ANGPT1: variants seen among roughly 807,000 people sequenced by gnomAD.
The protein encoded by ANGPT1 is angiopoietin 1.
ANGPT1 carries 17 observed loss-of-function variants against 62.2 expected under a neutral mutation model. That is an observed-to-expected ratio of 0.27 (90% CI 0.19 to 0.41). The LOEUF is 0.41. Ranked by LOEUF, ANGPT1 falls within the 10% of genes least tolerant of loss-of-function variation. ANGPT1 has a pLI of 1.00. For missense variants in ANGPT1, 478 were observed against 594.9 expected (o/e 0.80, Z 2.04); for synonymous variants, 199 against 198.9 (o/e 1.00, Z 0.00).
intron 1 of ANGPT1, among the ~76,000 whole-genome samples, chr8:107,425,211 G>GA (rs1195091470): frequency 1.3e-5 from 2 of 152,148 alleles, no homozygotes; most frequent in Non-Finnish European, 1.5e-5. Flanking sequence ...CTATGCATTG[G>GA]AAAAATCACA....
chr8:107,298,158 A>C (rs1814465609), intron 5 of ANGPT1, among the ~76,000 whole-genome samples: 1 of 151,932 alleles, frequency 6.6e-6, no homozygotes, highest in Admixed American at 6.6e-5. Flanking sequence ...ACGGAGGCTT[A>C]AACCCAAACA....
intron 4 of ANGPT1, among the ~76,000 whole-genome samples, chr8:107,318,549 A>G (rs765367946): frequency 1.5e-4 from 23 of 152,228 alleles, no homozygotes; most frequent in Non-Finnish European, 2.2e-4. Context: ...AAAGATAATT[A>G]CGATTATTTT....
At chr8:107,434,742 T>A (rs796593189) in intron 1 of ANGPT1, among the ~76,000 whole-genome samples, 9 of 152,352 alleles carry the variant, frequency 5.9e-5, no homozygotes, top group African/African-American at 2.2e-4. Context: ...CTATTTTTGA[T>A]ATACTGATAA....
intron 1 of ANGPT1, among the ~76,000 whole-genome samples, chr8:107,378,158 G>A (rs1023736625): frequency 6.6e-6 from 1 of 152,126 alleles, no homozygotes; most frequent in African/African-American, 2.4e-5. Flanking sequence ...GCCTTCATAG[G>A]GTTTAGACAC....
At position 107,249,767 on chromosome 8, in the gene ANGPT1, T is replaced by C. The variant is rs2129968258; in HGVS notation, c.*2088A>G. The C allele has an allele frequency of 6.6e-6, 1 of 152,310 alleles. No homozygotes were observed. Among genetic ancestry groups the C allele is most frequent in the Non-Finnish European group, 1.5e-5 (1 of 68,012 alleles). 9.4% of individuals were successfully genotyped at this position (152,310 alleles called of 1,614,324 possible). A position where few individuals can be genotyped will look rare whatever the true frequency, so the allele number is the denominator to read the frequency against. On this transcript the variant is annotated 3_prime_UTR_variant, in exon 9 of 9. Coordinates refer to ENST00000517746, the MANE Select transcript of ANGPT1 (RefSeq NM_001146.5). ...CAAAACAGTAAATATCATGCTTTCTTTTTTTATTATTTTATTTTGTTTTTG... is the reference window on the plus strand; with the variant it reads ...CAAAACAGTAAATATCATGCTTTCTCTTTTTATTATTTTATTTTGTTTTTG...
chr8:107,358,793 T>G (rs1816102675), intron 1 of ANGPT1, among the ~76,000 whole-genome samples: 1 of 152,196 alleles, frequency 6.6e-6, no homozygotes, highest in Non-Finnish European at 1.5e-5. Flanking sequence ...GTCTAAATCC[T>G]GGGTTCTTAT....
chr8:107,258,828 G>A (rs985562511), intron 8 of ANGPT1, among the ~76,000 whole-genome samples: 33 of 152,098 alleles, frequency 2.2e-4, no homozygotes, highest in African/African-American at 8.0e-4. Context: ...TATGTATTAG[G>A]CATTTTAAAT....
chr8:107,445,226 C>T (rs1193022389), intron 1 of ANGPT1, among the ~76,000 whole-genome samples: 1 of 152,100 alleles, frequency 6.6e-6, no homozygotes, highest in Non-Finnish European at 1.5e-5. Context: ...TAACATATAT[C>T]GGATTGATTA....
At chr8:107,280,861 A>C (rs536494127) in intron 7 of ANGPT1, among the ~76,000 whole-genome samples, 3 of 152,270 alleles carry the variant, frequency 2.0e-5, no homozygotes, top group African/African-American at 7.2e-5. Context: ...AGCATGGAAG[A>C]TATATATGAG....
At chr8:107,413,353 C>T (rs1193310676) in intron 1 of ANGPT1, among the ~76,000 whole-genome samples, 2 of 152,010 alleles carry the variant, frequency 1.3e-5, no homozygotes, top group Admixed American at 6.6e-5. Flanking sequence ...CTTCCTGCCT[C>T]GAATCTTCTG....
intron 1 of ANGPT1, chr8:107,494,453 T>A (rs185033569): frequency 1.3e-5 from 2 of 152,206 alleles, no homozygotes; most frequent in East Asian, 3.9e-4. Context: ...ACAGAAGAGA[T>A]CAAACCAGAA....
At chr8:107,454,106 C>T (rs1199985898) in intron 1 of ANGPT1, among the ~76,000 whole-genome samples, 7 of 152,022 alleles carry the variant, frequency 4.6e-5, no homozygotes, top group Admixed American at 3.9e-4. Context: ...AAAGTCCTAC[C>T]TATTTTCATG....
intron 1 of ANGPT1, among the ~76,000 whole-genome samples, chr8:107,496,975 G>A (rs1220906433): frequency 6.6e-6 from 1 of 152,138 alleles, no homozygotes; most frequent in Non-Finnish European, 1.5e-5. Flanking sequence ...TTTTGACAGA[G>A]AGAACCTTAA....
At chr8:107,406,311 A>C (rs1239150347) in intron 1 of ANGPT1, among the ~76,000 whole-genome samples, 2 of 151,844 alleles carry the variant, frequency 1.3e-5, no homozygotes, top group Non-Finnish European at 2.9e-5. Context: ...TTCATTTTTT[A>C]ACATTTATCT....
intron 1 of ANGPT1, among the ~76,000 whole-genome samples, chr8:107,480,112 T>C (rs1326563182): frequency 1.3e-5 from 2 of 152,264 alleles, no homozygotes; most frequent in East Asian, 1.9e-4. Flanking sequence ...ATGCCTGTTA[T>C]AGTGATAGGC....
chr8:107,478,828 G>C (rs568317616), intron 1 of ANGPT1, among the ~76,000 whole-genome samples: 5 of 152,254 alleles, frequency 3.3e-5, no homozygotes, highest in African/African-American at 1.2e-4. Flanking sequence ...TGTGTGTATA[G>C]AGTTGTGAGA....
At chr8:107,448,763 TAA>T (rs2130448551) in intron 1 of ANGPT1, among the ~76,000 whole-genome samples, 1 of 152,288 alleles carries the variant, frequency 6.6e-6, no homozygotes, top group East Asian at 1.9e-4. Context: ...CGTCTTTAGA[TAA>T]AACATTCTAT....
intron 4 of ANGPT1, among the ~76,000 whole-genome samples, chr8:107,310,257 C>A (rs1814817783): frequency 6.6e-6 from 1 of 152,056 alleles, no homozygotes. Flanking sequence ...TTATAAATTT[C>A]TTATGAGGAG....
intron 3 of ANGPT1, among the ~76,000 whole-genome samples, chr8:107,330,392 C>T (rs975796755): frequency 1.1e-4 from 17 of 152,164 alleles, no homozygotes; most frequent in Non-Finnish European, 4.4e-5. Context: ...GGCCTCAGAG[C>T]TCATGCTCTT....
Sources: allele counts gnomAD v4.1 joint callset (sites outside exome capture counted in the v4.1 genomes callset), GRCh38; gene constraint gnomAD v4.1.1; transcripts MANE v1.5; gene names NCBI Gene and HGNC (gene_info 2026-07-23, HGNC 2026-07-21).